RFT1: variants seen among roughly 807,000 people sequenced by gnomAD.
RFT1 encodes the protein RFT1 glycolipid translocator homolog, also known as man(5)GlcNAc(2)-PP-dolichol translocation protein RFT1.
In RFT1, 43 loss-of-function variants were observed where a neutral mutation model predicts 62.2. That is an observed-to-expected ratio of 0.69 (90% CI 0.54 to 0.89). The LOEUF (loss-of-function observed/expected upper bound fraction) is 0.89, where lower values mean the gene tolerates loss of function less well. RFT1 is among the 40% of genes least tolerant of loss of function. The pLI is 0.00. For synonymous variants in RFT1, 262 were observed against 264.6 expected (o/e 0.99, Z 0.10); for missense variants, 605 against 649.9 (o/e 0.93, Z 0.75).
chr3:53,123,019 G>A (rs551446554), intron 3 of RFT1, among the ~76,000 whole-genome samples: 9 of 152,320 alleles, frequency 5.9e-5, no homozygotes, highest in African/African-American at 1.7e-4. Context: ...GTATCCTTTC[G>A]CATGTTTCAC....
At chr3:53,098,020 TAGAA>T (rs1701192520) in intron 11 of RFT1, among the ~76,000 whole-genome samples, 1 of 152,146 alleles carries the variant, frequency 6.6e-6, no homozygotes, top group African/African-American at 2.4e-5. Flanking sequence ...AAAAACAAAA[TAGAA>T]GAGAGAGTAG....
the RFT1 span, among the ~76,000 whole-genome samples, chr3:53,069,750 G>A: frequency 2.6e-5 from 4 of 152,166 alleles, no homozygotes; most frequent in East Asian, 1.9e-4. Context: ...GCGCCTCCCC[G>A]TAGAGAGCCT....
chr3:53,098,561 G>T (rs922362839), intron 11 of RFT1, among the ~76,000 whole-genome samples: 1 of 152,092 alleles, frequency 6.6e-6, no homozygotes, highest in Non-Finnish European at 1.5e-5. Flanking sequence ...CCGGCACTTT[G>T]GGAGGCCAAG....
At chr3:53,117,919 G>T (rs908780215) in intron 6 of RFT1, among the ~76,000 whole-genome samples, 2 of 152,170 alleles carry the variant, frequency 1.3e-5, no homozygotes, top group Non-Finnish European at 1.5e-5. Flanking sequence ...TTGAGACAGG[G>T]TCTCACTCTG....
At chr3:53,126,232 C>T (rs531166091) in intron 1 of RFT1, among the ~76,000 whole-genome samples, 4 of 152,316 alleles carry the variant, frequency 2.6e-5, no homozygotes, top group African/African-American at 9.6e-5. Context: ...ACTTGGAAGG[C>T]TCCCTAATTT....
At chr3:53,109,416 A>G (rs1701584347) in intron 7 of RFT1, among the ~76,000 whole-genome samples, 1 of 152,212 alleles carries the variant, frequency 6.6e-6, no homozygotes, top group African/African-American at 2.4e-5. Flanking sequence ...GCCTGAGGCC[A>G]TGGCCTGTTA....
At chr3:53,095,732 A>C (rs1019812241) in intron 11 of RFT1, among the ~76,000 whole-genome samples, 2 of 152,120 alleles carry the variant, frequency 1.3e-5, no homozygotes, top group Admixed American at 6.6e-5. Flanking sequence ...AGTTAAAAAA[A>C]AAAAAAAGGC....
chr3:53,068,503 G>A, the RFT1 span, among the ~76,000 whole-genome samples: 1 of 152,200 alleles, frequency 6.6e-6, no homozygotes, highest in African/African-American at 2.4e-5. Context: ...TGCAAGGTAG[G>A]CAGTATTCTG....
intron 7 of RFT1, among the ~76,000 whole-genome samples, chr3:53,107,235 A>G (rs545548469): frequency 6.7e-6 from 1 of 150,172 alleles, no homozygotes; most frequent in South Asian, 2.1e-4. Flanking sequence ...TTCTGGGTTC[A>G]TGCCATTCTC....
the RFT1 span, among the ~76,000 whole-genome samples, chr3:53,073,491 T>TA: frequency 6.6e-6 from 1 of 152,302 alleles, no homozygotes; most frequent in South Asian, 2.1e-4. Context: ...GCCAGTCAGA[T>TA]AAAGCAGGCC....
At position 53,122,575 on chromosome 3, in the gene RFT1, G is replaced by A; in HGVS notation, c.267-12C>T. 1.3e-6 allele frequency: 2 copies of A among 1,528,756 alleles called. No homozygotes were observed. The highest frequency in any genetic ancestry group is 2.3e-5 in the East Asian group (1 of 43,116). 94.7% of individuals were successfully genotyped at this position (1,528,756 alleles called of 1,614,324 possible). On this transcript the variant is annotated splice_polypyrimidine_tract_variant and intron_variant, in intron 3 of 12. Transcript: ENST00000296292. ...CACCCAGGGGGACTCTAGAAGAGGA[G>A]AAAAAAATAATTCACTAAATTTTAA...
chr3:53,076,057 G>A, the RFT1 span, among the ~76,000 whole-genome samples: 1,934 of 152,344 alleles, frequency 0.013, 113 homozygotes, highest in South Asian at 0.17. Flanking sequence ...AGGATGGACA[G>A]GGAGACCTGC....
rs1702179921 is a variant in RFT1 at position 53,128,728 on chromosome 3, C to T, written c.63+1610G>A. Among the ~76,000 whole-genome samples the T allele has an allele frequency of 2.0e-5, 3 of 152,216 alleles. No individual in the cohort carries two copies. The South Asian group carries it at 6.2e-4, about 32-fold the overall frequency. ...GTTTCACCATGTTGCCCAGGCTGGT[C>T]TTCAACTCCTGAGCTCAAGCAATCC... On this transcript the variant is annotated intron_variant, in intron 1 of 12. Coordinates refer to ENST00000296292, the MANE Select transcript of RFT1 (RefSeq NM_052859.4).
chr3:53,107,592 G>A (rs1021059123), intron 7 of RFT1, among the ~76,000 whole-genome samples: 3 of 151,640 alleles, frequency 2.0e-5, no homozygotes, highest in Non-Finnish European at 4.4e-5. Context: ...AGGTTCCTCA[G>A]GGGTGGAGAC....
In RFT1 at chr3:53,121,724, C is replaced by A; in HGVS notation, c.533G>T (p.Gly178Val). 6.2e-7 allele frequency: 1 copy of A among 1,613,842 alleles called. No individual in the cohort carries two copies. Among genetic ancestry groups the A allele is most frequent in the South Asian group, 1.1e-5 (1 of 91,034 alleles). Residue 178 changes from glycine to valine, a missense_variant, in exon 5 of 13, where the codon GGA becomes GTA. Physicochemically the swap from Gly to Val is moderately radical, Grantham distance 109 (BLOSUM62 -3). Coordinates refer to ENST00000296292, the MANE Select transcript of RFT1 (RefSeq NM_052859.4). ...CTGGGCCAAAGAGAAAATGTACAAT[C>A]CCCAGTGAGGCAACCACAGCACGAG... is the stretch of plus-strand genomic sequence containing the variant. ...AFLVLWLPHW[G>V]LYIFSLAQLF... is the part of the protein sequence containing the mutation.
intron 8 of RFT1, 106 bp downstream of exon 8, chr3:53,106,713 T>G: frequency 1.1e-6 from 1 of 878,756 alleles, no homozygotes; most frequent in East Asian, 2.7e-5. Context: ...AGGATTTTCT[T>G]TAATCTTCAG....
intron 11 of RFT1, among the ~76,000 whole-genome samples, chr3:53,098,598 C>A (rs145523486): frequency 2.6e-5 from 4 of 151,938 alleles, no homozygotes; most frequent in Non-Finnish European, 4.4e-5. Flanking sequence ...GTCAGGAGAT[C>A]GAGACCAACC....
chr3:53,122,767 A>T (rs1286464956), intron 3 of RFT1, among the ~76,000 whole-genome samples: 1 of 152,174 alleles, frequency 6.6e-6, no homozygotes, highest in African/African-American at 2.4e-5. Context: ...TATCTCCATT[A>T]AAAAAATGAA....
chr3:53,098,659 A>G lies in RFT1; in HGVS notation c.1208+722T>C, dbSNP rs562020189. Among the ~76,000 whole-genome samples, 10 of 152,112 alleles carry G rather than the reference A, an allele frequency of 6.6e-5. No homozygotes were observed. The East Asian group carries it at 9.7e-4, about 15-fold the overall frequency. On this transcript the variant is annotated intron_variant, in intron 11 of 12. Transcript: ENST00000296292. Reference sequence around the variant, plus strand: ...CTACTAAAAATACAAAAAATTAGCCAGGCATGGTGGCACGCGCCTGTAGTC... The same window carrying G: ...CTACTAAAAATACAAAAAATTAGCCGGGCATGGTGGCACGCGCCTGTAGTC...
Sources: gnomAD v4.1 joint callset for allele counts (sites outside exome capture counted in the v4.1 genomes callset) on GRCh38, gnomAD v4.1.1 for gene constraint, MANE v1.5 for transcripts, NCBI Gene and HGNC (gene_info 2026-07-23, HGNC 2026-07-21) for gene names.